KCNK9: variants seen among roughly 807,000 people sequenced by gnomAD.
KCNK9 encodes potassium two pore domain channel subfamily K member 9.
KCNK9 carries 1 observed loss-of-function variant against 10.8 expected under a neutral mutation model. The observed-to-expected ratio is 0.09, with a 90% confidence interval of 0.03 to 0.44. The LOEUF is 0.44. Ranked by LOEUF, KCNK9 falls within the 20% of genes least tolerant of loss-of-function variation. The pLI is 0.97. For missense variants in KCNK9, 303 were observed against 515.0 expected (o/e 0.59, Z 3.98); for synonymous variants, 231 against 222.7 (o/e 1.04, Z -0.33).
intron 1 of KCNK9, among the ~76,000 whole-genome samples, chr8:139,669,912 G>A (rs1255210316): frequency 2.0e-5 from 3 of 152,242 alleles, no homozygotes; most frequent in African/African-American, 7.2e-5. Context: ...CAGAAAGGAT[G>A]TTGTGTTAGC....
intron 1 of KCNK9, among the ~76,000 whole-genome samples, chr8:139,684,043 G>A (rs1292534607): frequency 2.0e-5 from 3 of 152,170 alleles, no homozygotes; most frequent in South Asian, 4.1e-4. Flanking sequence ...CACTAAGGAA[G>A]ACAAAGCCAA....
intron 1 of KCNK9, among the ~76,000 whole-genome samples, chr8:139,625,928 T>TACCAGAA (rs1285178732): frequency 6.6e-6 from 1 of 152,168 alleles, no homozygotes; most frequent in Non-Finnish European, 1.5e-5. Flanking sequence ...AGCCACCAGG[T>TACCAGAA]ACCAGAAGCT....
chr8:139,680,643 C>T (rs535963543), intron 1 of KCNK9, among the ~76,000 whole-genome samples: 99 of 152,244 alleles, frequency 6.5e-4, no homozygotes, highest in African/African-American at 2.3e-3. Flanking sequence ...GGGCACTTCC[C>T]CTGCGTGCTC....
At chr8:139,605,290 T>C (rs557318656) in intron 2 of KCNK9, among the ~76,000 whole-genome samples, 11 of 152,254 alleles carry the variant, frequency 7.2e-5, no homozygotes, top group Non-Finnish European at 1.6e-4. Flanking sequence ...TTGGTTTGGT[T>C]TGGTTTGCTT....
intron 1 of KCNK9, among the ~76,000 whole-genome samples, chr8:139,681,209 A>G (rs1434846187): frequency 6.6e-6 from 1 of 152,216 alleles, no homozygotes; most frequent in Non-Finnish European, 1.5e-5. Context: ...CATTTTACAT[A>G]TGGAAACACT....
intron 1 of KCNK9, among the ~76,000 whole-genome samples, chr8:139,642,989 C>T (rs1012266016): frequency 2.0e-5 from 3 of 152,106 alleles, no homozygotes; most frequent in Non-Finnish European, 4.4e-5. Context: ...ACGCTCAGGA[C>T]CCCTCCCTCC....
At chr8:139,623,565 CCTCCTACCCCACCTGTGAG>C (rs1267133888) in intron 1 of KCNK9, among the ~76,000 whole-genome samples, 8 of 152,078 alleles carry the variant, frequency 5.3e-5, no homozygotes, top group Non-Finnish European at 1.0e-4. Context: ...TTCCTGGTTA[CCTCCTACCCCACCTGTGAG>C]CTCAGGAACC....
chr8:139,605,342 G>C (rs1817462393), intron 2 of KCNK9, among the ~76,000 whole-genome samples: 1 of 152,212 alleles, frequency 6.6e-6, no homozygotes, highest in Non-Finnish European at 1.5e-5. Flanking sequence ...TCTACTTTCT[G>C]GTTCCTGGAT....
chr8:139,674,644 T>G (rs112452463), intron 1 of KCNK9, among the ~76,000 whole-genome samples: 1,524 of 152,266 alleles, frequency 0.01, 23 homozygotes, highest in African/African-American at 0.035. Flanking sequence ...CCCTCATGCC[T>G]CTGCAGTGCC....
At chr8:139,660,146 T>G (rs1180793653) in intron 1 of KCNK9, among the ~76,000 whole-genome samples, 1 of 152,154 alleles carries the variant, frequency 6.6e-6, no homozygotes, top group African/African-American at 2.4e-5. Flanking sequence ...TCGGGCACAT[T>G]TCAGAAGGTA....
At chr8:139,692,827 T>C (rs982324322) in intron 1 of KCNK9, among the ~76,000 whole-genome samples, 4 of 152,160 alleles carry the variant, frequency 2.6e-5, no homozygotes, top group African/African-American at 9.7e-5. Flanking sequence ...GGCCTGGCAC[T>C]GCCTGTTTCC....
At chr8:139,625,203 G>A (rs1479496226) in intron 1 of KCNK9, among the ~76,000 whole-genome samples, 2 of 152,182 alleles carry the variant, frequency 1.3e-5, no homozygotes, top group African/African-American at 2.4e-5. Flanking sequence ...TGTAGCCAAG[G>A]ACGTCTGGGC....
chr8:139,692,227 G>A (rs867194603), intron 1 of KCNK9, among the ~76,000 whole-genome samples: 12 of 152,164 alleles, frequency 7.9e-5, no homozygotes, highest in East Asian at 1.9e-4. Context: ...AAGACAAAAC[G>A]GCTGTTTGCT....
At chr8:139,633,217 T>G (rs957174128) in intron 1 of KCNK9, among the ~76,000 whole-genome samples, 2 of 152,090 alleles carry the variant, frequency 1.3e-5, no homozygotes, top group African/African-American at 4.8e-5. Flanking sequence ...CATACAGATA[T>G]GCTCACACAC....
At chr8:139,655,162 G>A (rs1462971087) in intron 1 of KCNK9, among the ~76,000 whole-genome samples, 1 of 152,084 alleles carries the variant, frequency 6.6e-6, no homozygotes, top group African/African-American at 2.4e-5. Flanking sequence ...TGACAGTGAC[G>A]AGGGAATGGG....
At chr8:139,668,684 A>T (rs1816356544) in intron 1 of KCNK9, among the ~76,000 whole-genome samples, 1 of 152,204 alleles carries the variant, frequency 6.6e-6, no homozygotes, top group Admixed American at 6.5e-5. Context: ...GGCCTCCCAA[A>T]GTGCTGGGAT....
chr8:139,652,978 G>A (rs967613322), intron 1 of KCNK9, among the ~76,000 whole-genome samples: 8 of 152,202 alleles, frequency 5.3e-5, no homozygotes, highest in Non-Finnish European at 1.0e-4. Flanking sequence ...TACAAGCATC[G>A]TGTGCAGTGC....
chr8:139,657,857 C>T (rs1361221084), intron 1 of KCNK9, among the ~76,000 whole-genome samples: 4 of 152,196 alleles, frequency 2.6e-5, no homozygotes, highest in Admixed American at 6.5e-5. Flanking sequence ...TCTATCCCAG[C>T]GGTCCCCACC....
chr8:139,633,689 T>A (rs1815246108), intron 1 of KCNK9, among the ~76,000 whole-genome samples: 1 of 151,756 alleles, frequency 6.6e-6, no homozygotes, highest in African/African-American at 2.4e-5. Context: ...CAGAGCAGAG[T>A]GGAAAAACCC....
Sources: gnomAD v4.1 joint callset for allele counts (sites outside exome capture counted in the v4.1 genomes callset) on GRCh38, gnomAD v4.1.1 for gene constraint, MANE v1.5 for transcripts, NCBI Gene and HGNC (gene_info 2026-07-23, HGNC 2026-07-21) for gene names.